The following PARD3 variants were observed in gnomAD, a reference collection of about 807,000 sequenced individuals.
PARD3 encodes the protein par-3 family cell polarity regulator.
PARD3 carries 75 observed loss-of-function variants against 155.4 expected under a neutral mutation model. That is an observed-to-expected ratio of 0.48 (90% confidence interval 0.40 to 0.58). PARD3 has a LOEUF of 0.58. PARD3 is among the 20% of genes least tolerant of loss of function. PARD3 has a pLI of 0.00. For synonymous variants in PARD3, 576 were observed against 610.5 expected, an observed-to-expected ratio of 0.94 and a Z score of 0.83; for missense variants, 1,642 against 1,721.7, an observed-to-expected ratio of 0.95 and a Z score of 0.82.
intron 1 of PARD3, among the ~76,000 whole-genome samples, chr10:34,767,185 A>G (rs534348027): frequency 1.2e-4 from 19 of 152,242 alleles, no homozygotes; most frequent in Non-Finnish European, 2.4e-4. Flanking sequence ...CTAGAAAAAC[A>G]AAGTGCTTGT....
chr10:34,673,113 GA>G (rs1195844657), intron 2 of PARD3, among the ~76,000 whole-genome samples: 5 of 148,860 alleles, frequency 3.4e-5, no homozygotes, highest in South Asian at 2.1e-4. Context: ...TCCATTTCTG[GA>G]AAAAAAAAAT....
chr10:34,370,562 T>C (rs941983613), intron 12 of PARD3, among the ~76,000 whole-genome samples: 1 of 152,270 alleles, frequency 6.6e-6, no homozygotes, highest in South Asian at 2.1e-4. Context: ...CCACTGCACC[T>C]GGCCCTGACT....
At chr10:34,164,062 A>T (rs1335288333) in intron 22 of PARD3, among the ~76,000 whole-genome samples, 1 of 152,226 alleles carries the variant, frequency 6.6e-6, no homozygotes, top group African/African-American at 2.4e-5. Flanking sequence ...CCACGCTCAT[A>T]GGTCTTGTGA....
intron 2 of PARD3, among the ~76,000 whole-genome samples, chr10:34,605,628 ATATATATATCTCC>A (rs1191376309): frequency 1.9e-5 from 2 of 106,556 alleles, no homozygotes; most frequent in Admixed American, 2.0e-4. Flanking sequence ...TATCTCCTAT[ATATATATATCTCC>A]TATATATATA....
chr10:34,286,771 G>A lies in PARD3; in HGVS notation c.3066-2526C>T, dbSNP rs547949631. The stretch of plus-strand genomic sequence containing the variant: ...GGAGCAGCACTGGTGACATTTTAAT[G>A]ACCCTGGATGCATGTGAAGAACTGC... On this transcript the variant is annotated intron_variant, in intron 20 of 24. Coordinates refer to ENST00000374788, the MANE Select transcript of PARD3 (RefSeq NM_001184785.2). Among the ~76,000 whole-genome samples, 3 of 152,342 alleles carry A rather than the reference G, an allele frequency of 2.0e-5. No homozygotes were observed. The South Asian group carries it at 6.2e-4, about 32-fold the overall frequency.
chr10:34,608,656 T>C (rs2090653712), intron 2 of PARD3, among the ~76,000 whole-genome samples: 2 of 150,050 alleles, frequency 1.3e-5, no homozygotes, highest in Non-Finnish European at 2.9e-5. Context: ...TGCTTCAGCC[T>C]CCCGAGTAGC....
chr10:34,184,133 A>G (rs1413531272), intron 22 of PARD3, among the ~76,000 whole-genome samples: 1 of 152,148 alleles, frequency 6.6e-6, no homozygotes, highest in East Asian at 1.9e-4. Flanking sequence ...ATCCTTTTAT[A>G]CTGGGAATAG....
At chr10:34,402,734 T>C (rs1206646698) in intron 5 of PARD3, among the ~76,000 whole-genome samples, 1 of 152,174 alleles carries the variant, frequency 6.6e-6, no homozygotes, top group Admixed American at 6.6e-5. Context: ...CACATGTCAG[T>C]TTAGTGAAGT....
At chr10:34,757,065 T>C (rs1247646500) in intron 1 of PARD3, among the ~76,000 whole-genome samples, 2 of 152,232 alleles carry the variant, frequency 1.3e-5, no homozygotes, top group Non-Finnish European at 2.9e-5. Context: ...TTGATTCCTC[T>C]GGTAGGTGCA....
chr10:34,248,588 AG>A (rs202178430), intron 22 of PARD3, among the ~76,000 whole-genome samples: 18 of 76,492 alleles, frequency 2.4e-4, no homozygotes, highest in African/African-American at 2.0e-3. Context: ...CCAACATCCA[AG>A]TTAAGTGGCA....
intron 1 of PARD3, among the ~76,000 whole-genome samples, chr10:34,787,948 ATTT>A (rs1166169945): frequency 7.1e-6 from 1 of 141,400 alleles, no homozygotes; most frequent in Non-Finnish European, 1.6e-5. Context: ...TGCCCAGCTA[ATTT>A]TTTTTTTTTT....
In PARD3 at chr10:34,117,102, T is replaced by C. The variant is rs372730015; in HGVS notation, c.3668+2511A>G. Among the ~76,000 whole-genome samples, 331 of 152,338 alleles carry C rather than the reference T, an allele frequency of 2.2e-3. 3 individuals are homozygous for C. Among genetic ancestry groups the C allele is most frequent in the African/African-American group, 7.1e-3 (297 of 41,584 alleles). ...CCAAGTGCCCCTTCTCCCTGGCAAC[T>C]GCCCTGCCTTCCCGGCCCGCCCACC... On this transcript the variant is annotated intron_variant, in intron 24 of 24. Coordinates refer to ENST00000374788, the MANE Select transcript of PARD3 (RefSeq NM_001184785.2).
At chr10:34,269,955 C>T (rs1000265770) in intron 21 of PARD3, 56 bp from the exon 22 acceptor site, 37 of 1,476,036 alleles carry the variant, frequency 2.5e-5, no homozygotes, top group Non-Finnish European at 3.4e-5. Flanking sequence ...TTAGGAACTG[C>T]ATATAGAAAC....
At chr10:34,694,910 A>C (rs960245972) in intron 2 of PARD3, among the ~76,000 whole-genome samples, 10 of 152,232 alleles carry the variant, frequency 6.6e-5, no homozygotes, top group African/African-American at 2.4e-4. Flanking sequence ...AAGACACAAC[A>C]GCTGTGTGCA....
At chr10:34,713,039 T>C (rs934628662) in intron 1 of PARD3, among the ~76,000 whole-genome samples, 2 of 151,714 alleles carry the variant, frequency 1.3e-5, no homozygotes, top group Non-Finnish European at 2.9e-5. Flanking sequence ...TGAAACCCCG[T>C]CTCTACTAAA....
chr10:34,712,945 A>T (rs1192575200), intron 1 of PARD3, among the ~76,000 whole-genome samples: 1 of 152,204 alleles, frequency 6.6e-6, no homozygotes, highest in East Asian at 1.9e-4. Context: ...GCAGTGGCTC[A>T]TGCCTGTAAT....
At chr10:34,426,920 T>C (rs1029339610) in intron 5 of PARD3, among the ~76,000 whole-genome samples, 1 of 152,212 alleles carries the variant, frequency 6.6e-6, no homozygotes, top group Non-Finnish European at 1.5e-5. Context: ...TTCTTACACC[T>C]GTCTTTACTG....
chr10:34,548,342 C>CA lies in PARD3; in HGVS notation c.223-31184dup, dbSNP rs1198692442. ...TAACTCTACTAAAAACACACACACA[C>CA]ACAAAAAAAAGCCAGGCATGGTGGT... is the stretch of plus-strand genomic sequence containing the variant. On this transcript the variant is annotated intron_variant, in intron 2 of 24. Transcript: ENST00000374788. Among the ~76,000 whole-genome samples the CA allele has an allele frequency of 9.9e-5, 15 of 151,326 alleles. No homozygotes were observed. In the East Asian group the frequency reaches 1.6e-3, roughly 16 times the overall value.
At chr10:34,349,757 G>T (rs960945058) in intron 14 of PARD3, among the ~76,000 whole-genome samples, 1 of 151,934 alleles carries the variant, frequency 6.6e-6, no homozygotes, top group African/African-American at 2.4e-5. Context: ...TCAAAAGACA[G>T]ACAACATATC....
Sources: allele counts gnomAD v4.1 joint callset (sites outside exome capture counted in the v4.1 genomes callset), GRCh38; gene constraint gnomAD v4.1.1; transcripts MANE v1.5; gene names NCBI Gene and HGNC (gene_info 2026-07-23, HGNC 2026-07-21).